Variants in ZFYVE28 observed in about 807,000 individuals in gnomAD.
ZFYVE28 encodes the protein lateral signaling target protein 2 homolog.
In ZFYVE28, 40 loss-of-function variants were observed where a neutral mutation model predicts 82.1. That is an observed-to-expected ratio of 0.49 (90% confidence interval 0.38 to 0.63). The LOEUF is 0.63. Among genes scored for constraint, ZFYVE28 ranks in the 30% least tolerant of loss-of-function variants. The pLI is 0.00. For synonymous variants in ZFYVE28, 612 were observed against 546.1 expected (o/e 1.12, Z -1.68); for missense variants, 1,321 against 1,242.1 (o/e 1.06, Z -0.96).
At chr4:2,351,868 A>T (rs1027953253) in intron 2 of ZFYVE28, among the ~76,000 whole-genome samples, 1 of 152,214 alleles carries the variant, frequency 6.6e-6, no homozygotes, top group African/African-American at 2.4e-5. Context: ...GAACTCAGGG[A>T]AACACTTCGT....
intron 1 of ZFYVE28, among the ~76,000 whole-genome samples, chr4:2,367,942 A>G (rs1022554238): frequency 2.6e-5 from 4 of 152,126 alleles, no homozygotes; most frequent in Admixed American, 2.0e-4. Context: ...ACCCAGGGCG[A>G]CTTGGTGCGT....
At chr4:2,327,968 T>C (rs1720122702) in intron 6 of ZFYVE28, among the ~76,000 whole-genome samples, 1 of 152,200 alleles carries the variant, frequency 6.6e-6, no homozygotes, top group Non-Finnish European at 1.5e-5. Flanking sequence ...GGAATGTAAA[T>C]TGGTACAGCC....
At chr4:2,314,104 T>C (rs768575939) in intron 7 of ZFYVE28, among the ~76,000 whole-genome samples, 3 of 152,232 alleles carry the variant, frequency 2.0e-5, no homozygotes, top group Non-Finnish European at 2.9e-5. Flanking sequence ...ATATACAGAT[T>C]TGGGATTGTG....
At chr4:2,377,007 A>C (rs1346720051) in intron 1 of ZFYVE28, among the ~76,000 whole-genome samples, 1 of 151,610 alleles carries the variant, frequency 6.6e-6, no homozygotes, top group Non-Finnish European at 1.5e-5. Flanking sequence ...ATTGGACAGC[A>C]CTGGTCTAAG....
chr4:2,394,045 C>G lies in ZFYVE28; in HGVS notation c.39+24240G>C, dbSNP rs184084423. ...TTTTCCAGCTTGCACAGCTACTTCCCGACGCACGGCCGCCTCCCGGACCTT... is the reference window on the plus strand; with the variant it reads ...TTTTCCAGCTTGCACAGCTACTTCCGGACGCACGGCCGCCTCCCGGACCTT... On this transcript the variant is annotated intron_variant, in intron 1 of 12. Transcript: ENST00000290974. The surrounding 1 kb of genome is among the most constrained non-coding windows in gnomAD (Gnocchi z 4.0). Among the ~76,000 whole-genome samples the G allele has an allele frequency of 6.6e-6, 1 of 152,136 alleles. No homozygotes were observed. The highest frequency in any genetic ancestry group is 1.5e-5 in the Non-Finnish European group (1 of 68,022).
chr4:2,271,163 A>G, intron 12 of ZFYVE28, 148 bp downstream of exon 12: 1 of 838,790 alleles, frequency 1.2e-6, no homozygotes, highest in South Asian at 1.7e-5. Context: ...GAGTCAGAAC[A>G]GGGCCCGGGA....
intron 1 of ZFYVE28, among the ~76,000 whole-genome samples, chr4:2,415,434 T>G (rs1439949651): frequency 1.6e-5 from 2 of 124,678 alleles, no homozygotes; most frequent in African/African-American, 7.4e-5. Context: ...CGGGGCAACA[T>G]AGTGAGACCC....
intron 1 of ZFYVE28, among the ~76,000 whole-genome samples, chr4:2,359,847 C>T (rs956971611): frequency 5.9e-5 from 9 of 152,138 alleles, no homozygotes; most frequent in African/African-American, 2.2e-4. Flanking sequence ...CCAGGTAACC[C>T]TCCTCCAAGG....
At position 2,271,445 on chromosome 4, in the gene ZFYVE28, G is replaced by A. The variant is rs371821982; in HGVS notation, c.2429-31C>T. 7.6e-5 allele frequency: 122 copies of A among 1,603,696 alleles called. No individual in the cohort carries two copies. The South Asian group carries it at 1.1e-3, about 14-fold the overall frequency. On this transcript the variant is annotated intron_variant, in intron 11 of 12. Transcript: ENST00000290974. Reference sequence around the variant, plus strand: ...ACAACAACAGCAGCGTCACATCAGCGACGGCAGGAGCAGGTGGGCTGGGCC... The same window carrying A: ...ACAACAACAGCAGCGTCACATCAGCAACGGCAGGAGCAGGTGGGCTGGGCC...
chr4:2,361,374 C>T (rs1172937186), intron 1 of ZFYVE28, among the ~76,000 whole-genome samples: 1 of 152,228 alleles, frequency 6.6e-6, no homozygotes, highest in Non-Finnish European at 1.5e-5. Flanking sequence ...TGAGCTGTGG[C>T]TGCAGGTGGG....
At position 2,305,301 on chromosome 4, in the gene ZFYVE28, G is replaced by A. The variant is rs145750553; in HGVS notation, c.1039C>T (p.Arg347Cys). ...YDDQELEQLSRMVHRAGDEMS... is the reference protein window; with the variant it reads ...YDDQELEQLSCMVHRAGDEMS... Reference sequence around the variant, plus strand: ...TCGTCCCCCGCCCTGTGGACCATGCGGCTGAGCTGCTCCAGCTCCTGGTCG... The same window carrying A: ...TCGTCCCCCGCCCTGTGGACCATGCAGCTGAGCTGCTCCAGCTCCTGGTCG... The change falls in exon 8 of 13, where the codon CGC becomes TGC. Residue 347 changes from arginine (R) to cysteine (C), a missense_variant. Transcript: ENST00000290974. 2.4e-5 allele frequency: 38 copies of A among 1,612,922 alleles called. 1 individual carries two copies. Among genetic ancestry groups the A allele is most frequent in the South Asian group, 5.5e-5 (5 of 91,070 alleles).
At chr4:2,399,062 G>T (rs1204537445) in intron 1 of ZFYVE28, among the ~76,000 whole-genome samples, 1 of 133,324 alleles carries the variant, frequency 7.5e-6, no homozygotes, top group African/African-American at 2.9e-5. Flanking sequence ...GCGTGGAGGT[G>T]AGATCCAGGG....
intron 1 of ZFYVE28, among the ~76,000 whole-genome samples, chr4:2,385,451 C>T (rs1336820752): frequency 6.6e-6 from 1 of 152,214 alleles, no homozygotes; most frequent in Non-Finnish European, 1.5e-5. Context: ...TCTCCTGACC[C>T]CGGCCTGCCA....
chr4:2,285,372 G>C (rs992492874), intron 8 of ZFYVE28: 2 of 152,260 alleles, frequency 1.3e-5, no homozygotes, highest in Admixed American at 1.3e-4. Flanking sequence ...ACAGCAGCCG[G>C]GGGAACTAAC....
chr4:2,412,054 G>A (rs1425047207), intron 1 of ZFYVE28, among the ~76,000 whole-genome samples: 6 of 152,190 alleles, frequency 3.9e-5, no homozygotes, highest in Admixed American at 6.5e-5. Flanking sequence ...CCCCTGGGGC[G>A]CAGGCAGGGG....
Position 2,416,322 on chromosome 4 carries a change from T to C in ZFYVE28, c.39+1963A>G, listed in dbSNP as rs1381181695. Among the ~76,000 whole-genome samples the C allele has an allele frequency of 6.6e-6, 1 of 152,152 alleles. No homozygotes were observed. Among genetic ancestry groups the C allele is most frequent in the Non-Finnish European group, 1.5e-5 (1 of 68,038 alleles). ...ATTTTTCCTTCCTTTTCAACACGAT[T>C]AGAAGGGTGATCCCCCAAATGCGGC... On this transcript the variant is annotated intron_variant, in intron 1 of 12. Coordinates refer to ENST00000290974, the MANE Select transcript of ZFYVE28 (RefSeq NM_020972.3). The surrounding 1 kb of genome is among the most constrained non-coding windows in gnomAD (Gnocchi z 4.6).
rs1478438630 is a variant in ZFYVE28 at position 2,416,674 on chromosome 4, G to A, written c.39+1611C>T. 2.6e-5 allele frequency among the ~76,000 whole-genome samples: 4 copies of A among 152,196 alleles called. No homozygotes were observed. The highest frequency in any genetic ancestry group is 1.3e-4 in the Admixed American group (2 of 15,284). On this transcript the variant is annotated intron_variant, in intron 1 of 12. Transcript: ENST00000290974. This position sits in a 1 kb window ranked among gnomAD's most constrained non-coding sequence, Gnocchi z 4.6. ...AAGGCGCCGCAGGAGGAGAGGCTGG[G>A]CGCAGACGGCTCGGCCCCAAACCAC...
intron 8 of ZFYVE28, among the ~76,000 whole-genome samples, chr4:2,278,498 T>G (rs983644276): frequency 6.6e-6 from 1 of 152,104 alleles, no homozygotes; most frequent in African/African-American, 2.4e-5. Context: ...TTAAAATTCT[T>G]AAAAGAAAAC....
chr4:2,316,956 T>G (rs1718307686), intron 7 of ZFYVE28, among the ~76,000 whole-genome samples: 1 of 151,330 alleles, frequency 6.6e-6, no homozygotes, highest in African/African-American at 2.4e-5. Flanking sequence ...CCTCCTAAAG[T>G]GCTGGGATTA....
Sources: gnomAD v4.1 joint callset for allele counts (sites outside exome capture counted in the v4.1 genomes callset) on GRCh38, gnomAD v4.1.1 for gene constraint, Gnocchi (gnomAD v3.1) non-coding constraint, MANE v1.5 for transcripts, NCBI Gene and HGNC (gene_info 2026-07-23, HGNC 2026-07-21) for gene names.